Variants in CAD observed in about 807,000 individuals in gnomAD.
CAD encodes carbamoyl-phosphate synthetase 2, aspartate transcarbamylase, and dihydroorotase.
In CAD, 81 loss-of-function variants were observed where a neutral mutation model predicts 237.2. That is an observed-to-expected ratio of 0.34 (90% CI 0.29 to 0.41). The LOEUF (loss-of-function observed/expected upper bound fraction) is 0.41. Among genes scored for constraint, CAD ranks in the 10% least tolerant of loss-of-function variants. CAD has a pLI of 1.00. For synonymous variants in CAD, 1,196 were observed against 1,162.8 expected, an observed-to-expected ratio of 1.03 and a Z score of -0.58; for missense variants, 2,181 against 2,951.7, an observed-to-expected ratio of 0.74 and a Z score of 6.05.
At position 27,236,684 on chromosome 2, in the gene CAD, C is replaced by T. The variant is rs568270646; in HGVS notation, c.4315-65C>T. 216 of 1,570,004 alleles carry T rather than the reference C, an allele frequency of 1.4e-4. 1 individual carries two copies. Among genetic ancestry groups the T allele is most frequent in the Non-Finnish European group, 6.3e-5 (72 of 1,140,250 alleles). ...GTGCAGAGCCTGGTTTATGGGAAAA[C>T]CACATCTCTCCCTACAACTCCCAGG... On this transcript the variant is annotated intron_variant, in intron 26 of 43. Coordinates refer to ENST00000264705, the MANE Select transcript of CAD (RefSeq NM_004341.5). This position sits in a 1 kb window ranked among gnomAD's most constrained non-coding sequence, Gnocchi z 4.1.
At position 27,222,533 on chromosome 2, in the gene CAD, C is replaced by T. The variant is rs753001075; in HGVS notation, c.510C>T (p.Phe170=). The stretch of plus-strand genomic sequence containing the variant: ...CTATTTCTCAGACTCCACGGGTATT[C>T]AATACAGGGGGTGCCCCTCGGATCC... The part of the protein sequence containing the change: ...PEVSIKTPRV[F]NTGGAPRILA... Residue 170 remains phenylalanine (F), a synonymous_variant, in exon 5 of 44, where the codon TTC becomes TTT. Transcript: ENST00000264705. 1 of 1,614,058 alleles carries T rather than the reference C, an allele frequency of 6.2e-7. No individual in the cohort carries two copies. Among genetic ancestry groups the T allele is most frequent in the African/African-American group, 1.3e-5 (1 of 75,030 alleles).
chr2:27,221,909 G>A (rs922006468), intron 3 of CAD, among the ~76,000 whole-genome samples: 1 of 146,990 alleles, frequency 6.8e-6, no homozygotes, highest in Non-Finnish European at 1.5e-5. Context: ...CCCATAGTCT[G>A]CACTTACTTG....
chr2:27,241,868 G>T lies in CAD; in HGVS notation c.5884-43G>T. 1 of 1,539,530 alleles carries T rather than the reference G, an allele frequency of 6.5e-7. No homozygotes were observed. The highest frequency in any genetic ancestry group is 9.0e-7 in the Non-Finnish European group (1 of 1,116,940). On this transcript the variant is annotated intron_variant, in intron 38 of 43. Transcript: ENST00000264705. The surrounding 1 kb of genome is among the most constrained non-coding windows in gnomAD (Gnocchi z 4.6). ...GGTGCCTAGCTGGGGTTTCCCCAGG[G>T]TGGACACGCATACGTACACCTTCCA... is the stretch of plus-strand genomic sequence containing the variant.
intron 16 of CAD, 82 bp downstream of exon 16, chr2:27,231,662 TA>T: frequency 1.2e-6 from 1 of 844,394 alleles, no homozygotes; most frequent in South Asian, 1.5e-5. Context: ...TTGTTACCAG[TA>T]ACACTAGCAG....
chr2:27,238,942 T>C, intron 31 of CAD, 100 bp from the exon 32 acceptor site: 1 of 1,137,402 alleles, frequency 8.8e-7, no homozygotes, highest in Non-Finnish European at 1.3e-6. Context: ...GGAGTGGTAG[T>C]GAGCATAAGG....
In CAD at chr2:27,232,980, C is replaced by T. The variant is rs186724875; in HGVS notation, c.2893-62C>T. The T allele has an allele frequency of 1.0e-4, 120 of 1,152,630 alleles. No individual in the cohort carries two copies. The Admixed American group carries it at 1.7e-3, about 16-fold the overall frequency. 71.4% of individuals were successfully genotyped at this position (1,152,630 alleles called of 1,614,324 possible). ...TAGGGGCTTTGGCTTAGTTTCTCCA[C>T]GATTTTCTCCACGATTTTCCTCCCA... is the stretch of plus-strand genomic sequence containing the variant. On this transcript the variant is annotated intron_variant, in intron 18 of 43. Coordinates refer to ENST00000264705, the MANE Select transcript of CAD (RefSeq NM_004341.5). The surrounding 1 kb of genome is among the most constrained non-coding windows in gnomAD (Gnocchi z 4.1).
Position 27,239,727 on chromosome 2 carries a change from G to A in CAD, c.5425G>A (p.Val1809Ile), listed in dbSNP as rs72858438. The change falls in exon 34 of 44, where the codon GTA becomes ATA. Residue 1809 changes from valine (V) to isoleucine (I), a missense_variant. This residue lies in a region of CAD where 478 missense variants were observed against 515.0 expected (regional missense o/e 0.93). Transcript: ENST00000264705. The surrounding 1 kb of genome is among the most constrained non-coding windows in gnomAD (Gnocchi z 4.0). ...VLVPPGYGQDVRKWPQGAVPQ... is the reference protein window; with the variant it reads ...VLVPPGYGQDIRKWPQGAVPQ... ...GGTACCCCCGGGCTATGGACAGGAT[G>A]TACGGAAGTGGCCACAGGGGGCTGT... 2.5e-6 allele frequency: 4 copies of A among 1,594,628 alleles called. No homozygotes were observed. The highest frequency in any genetic ancestry group is 1.3e-5 in the African/African-American group (1 of 74,266).
chr2:27,240,741 C>T lies in CAD; in HGVS notation c.5594-170C>T. On this transcript the variant is annotated intron_variant, in intron 35 of 43. Transcript: ENST00000264705. This position sits in a 1 kb window ranked among gnomAD's most constrained non-coding sequence, Gnocchi z 4.6. ...TACAACACAGCCCCATGGGAAGCCA[C>T]CTGTCTGTCCCCAGAGCTGCTGCAG... is the stretch of plus-strand genomic sequence containing the variant. 8.3e-7 allele frequency: 1 copy of T among 1,197,740 alleles called. No individual in the cohort carries two copies. The highest frequency in any genetic ancestry group is 2.6e-5 in the East Asian group (1 of 39,074). The allele number at this position is 1,197,740 out of a possible 1,614,324, so 74.2% of individuals were successfully genotyped here.
At chr2:27,217,768 C>T (rs1674940524) in intron 1 of CAD, 109 bp from the exon 2 acceptor site, 1 of 1,444,306 alleles carries the variant, frequency 6.9e-7, no homozygotes, top group Non-Finnish European at 9.4e-7. Flanking sequence ...TGGGCCCCAG[C>T]GCCATAAACC....
chr2:27,235,686 G>A lies in CAD; in HGVS notation c.4074+46G>A, dbSNP rs761482103. The A allele has an allele frequency of 5.2e-6, 8 of 1,532,718 alleles. No individual in the cohort carries two copies. The highest frequency in any genetic ancestry group is 2.3e-5 in the East Asian group (1 of 44,428). 94.9% of individuals were successfully genotyped at this position (1,532,718 alleles called of 1,614,324 possible). A position where few individuals can be genotyped will look rare whatever the true frequency, so the allele number is the denominator to read the frequency against. On this transcript the variant is annotated intron_variant, in intron 25 of 43. Coordinates refer to ENST00000264705, the MANE Select transcript of CAD (RefSeq NM_004341.5). The surrounding 1 kb of genome is among the most constrained non-coding windows in gnomAD (Gnocchi z 5.2). Reference sequence around the variant, plus strand: ...TACCCCACTGCTGCCCTTCCCCAAGGGGGTGAAAATACTGCACCAAAGAAT... The same window carrying A: ...TACCCCACTGCTGCCCTTCCCCAAGAGGGTGAAAATACTGCACCAAAGAAT...
rs752287483 is a variant in CAD at position 27,239,176 on chromosome 2, C to T, written c.5197C>T (p.His1733Tyr). Residue 1733 changes from histidine (H) to tyrosine (Y), a missense_variant, in exon 32 of 44, where the codon CAC (histidine) becomes TAC (tyrosine). Physicochemically the swap from His to Tyr is moderately conservative, Grantham distance 83. Coordinates refer to ENST00000264705, the MANE Select transcript of CAD (RefSeq NM_004341.5). This position sits in a 1 kb window ranked among gnomAD's most constrained non-coding sequence, Gnocchi z 4.0. ...CCTGGACGACCTGCTGCAGCGATTG[C>T]ACCACAATCCTCGGCGCATCTTTCA... is the stretch of plus-strand genomic sequence containing the variant. ...LSLDDLLQRL[H>Y]HNPRRIFHLP... 2 of 1,612,512 alleles carry T rather than the reference C, an allele frequency of 1.2e-6. No homozygotes were observed. Among genetic ancestry groups the T allele is most frequent in the Non-Finnish European group, 1.7e-6 (2 of 1,179,118 alleles).
In CAD at chr2:27,224,866, A is replaced by G; in HGVS notation, c.1376A>G (p.Tyr459Cys). 1 of 1,614,142 alleles carries G rather than the reference A, an allele frequency of 6.2e-7. No individual in the cohort carries two copies. The highest frequency in any genetic ancestry group is 2.2e-5 in the East Asian group (1 of 44,888). Residue 459 changes from tyrosine to cysteine, a missense_variant, in exon 10 of 44, where the codon TAT becomes TGT. Physicochemically the swap from Tyr to Cys is radical, Grantham distance 194 (BLOSUM62 -2). Coordinates refer to ENST00000264705, the MANE Select transcript of CAD (RefSeq NM_004341.5). Reference protein sequence around the residue: ...KVYFLPITPHYVTQVIRNERP... With the variant: ...KVYFLPITPHCVTQVIRNERP... ...TATTTTCTTCCCATAACACCTCATT[A>G]TGTAACCCAGGTATGACTGGGGCAA... is the stretch of plus-strand genomic sequence containing the variant.
chr2:27,240,895 C>G lies in CAD; in HGVS notation c.5594-16C>G. 1.2e-6 allele frequency: 2 copies of G among 1,614,016 alleles called. No homozygotes were observed. Among genetic ancestry groups the G allele is most frequent in the Non-Finnish European group, 1.7e-6 (2 of 1,179,882 alleles). ...TCAGCCATAAATGTATATCTGTCCT[C>G]TTGTCCTGTTTGCAGCTGAGGAGCC... On this transcript the variant is annotated splice_polypyrimidine_tract_variant and intron_variant, in intron 35 of 43. Coordinates refer to ENST00000264705, the MANE Select transcript of CAD (RefSeq NM_004341.5). The surrounding 1 kb of genome is among the most constrained non-coding windows in gnomAD (Gnocchi z 4.6).
chr2:27,234,327 A>G (rs1028244266), intron 22 of CAD, 101 bp downstream of exon 22: 21 of 1,253,190 alleles, frequency 1.7e-5, no homozygotes, highest in Non-Finnish European at 2.2e-5. Flanking sequence ...CCTTCATCCA[A>G]GTAGGCAGGG....
chr2:27,243,119 C>A lies in CAD; in HGVS notation c.6481-79C>A. On this transcript the variant is annotated intron_variant, in intron 42 of 43. Transcript: ENST00000264705. ...TAGCTGCATGTGGGTGTGGAGGGGA[C>A]CCCAGTGGAGCCCAGACTTGTGTCC... 3 of 1,456,378 alleles carry A rather than the reference C, an allele frequency of 2.1e-6. No individual in the cohort carries two copies. The South Asian group carries it at 3.5e-5, about 17-fold the overall frequency. The allele number at this position is 1,456,378 out of a possible 1,614,324, so 90.2% of individuals were successfully genotyped here. A position where few individuals can be genotyped will look rare whatever the true frequency, so the allele number is the denominator to read the frequency against.
rs1676444227 is a variant in CAD, at chr2:27,243,620, G to C, written c.*102G>C. On this transcript the variant is annotated 3_prime_UTR_variant, in exon 44 of 44. Coordinates refer to ENST00000264705, the MANE Select transcript of CAD (RefSeq NM_004341.5). ...ACACTTAGATATTCCTGGACATCCA[G>C]ATAGCTCACATGTGCTGACCACACT... 2 of 905,854 alleles carry C rather than the reference G, an allele frequency of 2.2e-6. No individual in the cohort carries two copies. The highest frequency in any genetic ancestry group is 1.7e-5 in the African/African-American group (1 of 59,804). 56.1% of individuals were successfully genotyped at this position (905,854 alleles called of 1,614,324 possible).
chr2:27,239,503 G>T lies in CAD; in HGVS notation c.5394+32G>T, dbSNP rs372292243. ...AAGTAGCCCCTGCCTGATCTCAGTA[G>T]TGCCCTCTTCTGCACCACGTTCATT... is the stretch of plus-strand genomic sequence containing the variant. On this transcript the variant is annotated intron_variant, in intron 33 of 43. Coordinates refer to ENST00000264705, the MANE Select transcript of CAD (RefSeq NM_004341.5). The surrounding 1 kb of genome is among the most constrained non-coding windows in gnomAD (Gnocchi z 4.0). 6.2e-7 allele frequency: 1 copy of T among 1,608,076 alleles called. No individual in the cohort carries two copies. The highest frequency in any genetic ancestry group is 1.3e-5 in the African/African-American group (1 of 74,812).
intron 15 of CAD, among the ~76,000 whole-genome samples, chr2:27,228,558 C>G (rs953245258): frequency 1.3e-5 from 2 of 152,182 alleles, no homozygotes; most frequent in African/African-American, 4.8e-5. Flanking sequence ...CACTGCATTC[C>G]AGTCTGGGTG....
chr2:27,229,747 G>A (rs1034613018), intron 15 of CAD, among the ~76,000 whole-genome samples: 5 of 151,822 alleles, frequency 3.3e-5, no homozygotes, highest in Non-Finnish European at 7.4e-5. Flanking sequence ...ATGGTGGCAC[G>A]CACCTGTAGT....
Sources: allele counts gnomAD v4.1 joint callset (sites outside exome capture counted in the v4.1 genomes callset), GRCh38; gene constraint gnomAD v4.1.1; regional missense constraint gnomAD v4.1.1; non-coding constraint Gnocchi (gnomAD v3.1); transcripts MANE v1.5; gene names NCBI Gene and HGNC (gene_info 2026-07-23, HGNC 2026-07-21).